The following DGLUCY variants were observed in gnomAD, a reference collection of about 807,000 sequenced individuals.
The protein encoded by DGLUCY is D-glutamate cyclase, mitochondrial.
A neutral mutation model predicts 58.5 loss-of-function variants in DGLUCY; 58 were observed. The ratio of observed to expected loss-of-function variants is 0.99; its 90% CI spans 0.80 to 1.23. DGLUCY has a LOEUF of 1.23. DGLUCY is among the 50% of genes most tolerant of loss of function. The pLI, the probability that DGLUCY is intolerant of heterozygous loss-of-function variation, is 0.00. For synonymous variants in DGLUCY, 325 were observed against 314.1 expected (o/e 1.03, Z -0.37); for missense variants, 779 against 784.7 (o/e 0.99, Z 0.09).
At chr14:91,172,825 T>C (rs2048643330) in intron 5 of DGLUCY, among the ~76,000 whole-genome samples, 1 of 152,134 alleles carries the variant, frequency 6.6e-6, no homozygotes, top group Non-Finnish European at 1.5e-5. Flanking sequence ...TTTTGTATTT[T>C]TAATAGAGAT....
intron 8 of DGLUCY, among the ~76,000 whole-genome samples, chr14:91,188,699 G>A (rs537520691): frequency 6.6e-5 from 10 of 152,132 alleles, no homozygotes; most frequent in Admixed American, 2.6e-4. Flanking sequence ...CTGTGGTGGC[G>A]CGTGCCTGTA....
At chr14:91,195,783 G>C (rs2050165274) in intron 9 of DGLUCY, among the ~76,000 whole-genome samples, 1 of 147,046 alleles carries the variant, frequency 6.8e-6, no homozygotes, top group Non-Finnish European at 1.5e-5. Context: ...CAATTCTCCT[G>C]CCTCAGCCTC....
intron 3 of DGLUCY, among the ~76,000 whole-genome samples, chr14:91,161,216 G>A (rs1236124175): frequency 8.5e-5 from 13 of 152,124 alleles, no homozygotes; most frequent in African/African-American, 2.9e-4. Context: ...GACTACAGGC[G>A]CCCGCCACCA....
At chr14:91,092,266 C>G (rs2140067772) in intron 1 of DGLUCY, among the ~76,000 whole-genome samples, 1 of 152,282 alleles carries the variant, frequency 6.6e-6, no homozygotes, top group African/African-American at 2.4e-5. Flanking sequence ...AGGACAGAAA[C>G]TATCTTCTGC....
intron 1 of DGLUCY, among the ~76,000 whole-genome samples, chr14:91,131,007 G>A (rs1387467392): frequency 1.3e-5 from 2 of 151,918 alleles, no homozygotes; most frequent in African/African-American, 4.8e-5. Flanking sequence ...GAGTGCAGGG[G>A]CAAGAACATG....
chr14:91,098,350 CAGG>C (rs2044430554), intron 1 of DGLUCY, among the ~76,000 whole-genome samples: 1 of 152,216 alleles, frequency 6.6e-6, no homozygotes, highest in African/African-American at 2.4e-5. Context: ...CCCAGCTACT[CAGG>C]AGGCTGAGGC....
intron 1 of DGLUCY, among the ~76,000 whole-genome samples, chr14:91,137,221 C>T (rs2046391310): frequency 6.6e-6 from 1 of 151,616 alleles, no homozygotes; most frequent in South Asian, 2.1e-4. Flanking sequence ...GGTCCTCCCA[C>T]CCCAGGTTCC....
chr14:91,065,135 G>A (rs2043799646), intron 1 of DGLUCY, among the ~76,000 whole-genome samples: 1 of 152,144 alleles, frequency 6.6e-6, no homozygotes, highest in Non-Finnish European at 1.5e-5. Context: ...GGAGGGAGGG[G>A]AGGGCATGGG....
rs141218617 is a variant in DGLUCY at position 91,125,944 on chromosome 14, C to G, written c.-82+11661C>G. On this transcript the variant is annotated intron_variant, in intron 1 of 13. Coordinates refer to ENST00000256324, the MANE Select transcript of DGLUCY (RefSeq NM_001102368.3). ...AGGACACAGTCTCTAAAAAACAAAA[C>G]AAAACAAAACAAATTCAAAGGATAA... 4.0e-3 allele frequency among the ~76,000 whole-genome samples: 612 copies of G among 152,236 alleles called. 4 individuals are homozygous for G. The highest frequency in any genetic ancestry group is 0.012 in the African/African-American group (503 of 41,544).
Position 91,060,490 on chromosome 14 carries a change from G to A in DGLUCY, c.-296G>A, listed in dbSNP as rs1300720474. On this transcript the variant is annotated 5_prime_UTR_variant, in exon 1 of 5. Coordinates refer to the DGLUCY transcript ENST00000521334. ...CTACGAGGGGAACCCAGGAGACAGC[G>A]GACGCCCGTCCCCTCGCAGCCGCTG... The A allele has an allele frequency of 3.8e-6, 5 of 1,309,386 alleles. No homozygotes were observed. The East Asian group carries it at 9.3e-5, about 24-fold the overall frequency. 81.1% of individuals were successfully genotyped at this position (1,309,386 alleles called of 1,614,324 possible).
At chr14:91,197,502 A>G (rs2050290714) in intron 10 of DGLUCY, among the ~76,000 whole-genome samples, 1 of 152,154 alleles carries the variant, frequency 6.6e-6, no homozygotes, top group Non-Finnish European at 1.5e-5. Context: ...ACCTCTTTTC[A>G]TCTTGCAAAA....
chr14:91,091,806 T>C (rs968243012), intron 1 of DGLUCY, among the ~76,000 whole-genome samples: 1 of 152,120 alleles, frequency 6.6e-6, no homozygotes, highest in Non-Finnish European at 1.5e-5. Context: ...GGAATGAACA[T>C]ACCCAAGTCC....
At chr14:91,127,995 C>A (rs1382242174) in intron 1 of DGLUCY, among the ~76,000 whole-genome samples, 1 of 150,740 alleles carries the variant, frequency 6.6e-6, no homozygotes, top group Non-Finnish European at 1.5e-5. Flanking sequence ...CTGGGCTCAA[C>A]AGGAGAGGCT....
intron 1 of DGLUCY, among the ~76,000 whole-genome samples, chr14:91,127,149 C>G (rs924770355): frequency 1.3e-5 from 2 of 151,408 alleles, no homozygotes; most frequent in African/African-American, 4.9e-5. Context: ...CTCAACCTCC[C>G]AATCTCAAGC....
In DGLUCY at chr14:91,174,034, TC is replaced by T. The variant is rs201565485; in HGVS notation, c.607+599del. On this transcript the variant is annotated intron_variant, in intron 6 of 13. Coordinates refer to ENST00000256324, the MANE Select transcript of DGLUCY (RefSeq NM_001102368.3). ...GGGTTGGGACTTTCAGCTCCACCCC[TC>T]CCCGCAACCTCCAGGGAGGAAAGAG... Among the ~76,000 whole-genome samples the T allele has an allele frequency of 4.7e-3, 716 of 152,054 alleles. 5 individuals are homozygous for T. The highest frequency in any genetic ancestry group is 0.016 in the African/African-American group (661 of 41,466).
chr14:91,199,841 C>G lies in DGLUCY; in HGVS notation c.1380C>G (p.His460Gln), dbSNP rs772111348. ...ATGCAAGGAAGATGAACATCAAGCA[C>G]TTGGTTGACCCCATTGACGATCTTT... The part of the protein sequence containing the change: ...YYNARKMNIK[H>Q]LVDPIDDLFL... Residue 460 changes from histidine (H) to glutamine (Q), a missense_variant, in exon 11 of 14, where the codon CAC becomes CAG. Physicochemically the swap from His to Gln is conservative, Grantham distance 24. Coordinates refer to ENST00000256324, the MANE Select transcript of DGLUCY (RefSeq NM_001102368.3). 4.3e-6 allele frequency: 7 copies of G among 1,614,046 alleles called. No individual in the cohort carries two copies. Among genetic ancestry groups the G allele is most frequent in the Non-Finnish European group, 5.9e-6 (7 of 1,180,030 alleles).
intron 1 of DGLUCY, among the ~76,000 whole-genome samples, chr14:91,122,211 G>C (rs927856353): frequency 2.6e-5 from 4 of 151,258 alleles, no homozygotes; most frequent in African/African-American, 9.7e-5. Context: ...CCCCAGGCTG[G>C]AGTGCAGTGG....
intron 6 of DGLUCY, 164 bp from the exon 7 acceptor site, chr14:91,175,770 G>C: frequency 1.4e-6 from 1 of 691,898 alleles, no homozygotes; most frequent in Non-Finnish European, 2.3e-6. Context: ...AGCCTGAGTT[G>C]TCAAAGCCTT....
chr14:91,097,766 T>C (rs887272795), intron 1 of DGLUCY, among the ~76,000 whole-genome samples: 1 of 151,464 alleles, frequency 6.6e-6, no homozygotes, highest in East Asian at 2.0e-4. Flanking sequence ...CTCCATCTCC[T>C]GGGTTCAAGC....
Sources: allele counts gnomAD v4.1 joint callset (sites outside exome capture counted in the v4.1 genomes callset), GRCh38; gene constraint gnomAD v4.1.1; transcripts MANE v1.5; gene names NCBI Gene and HGNC (gene_info 2026-07-23, HGNC 2026-07-21).